The following FAM81A variants were observed in gnomAD, a reference collection of about 807,000 sequenced individuals.
FAM81A encodes family with sequence similarity 81 member A, also known as protein FAM81A.
FAM81A carries 19 observed loss-of-function variants against 46.7 expected under a neutral mutation model. The ratio of observed to expected loss-of-function variants is 0.41; its 90% CI spans 0.28 to 0.60. The LOEUF (loss-of-function observed/expected upper bound fraction) is 0.60, where lower values mean the gene tolerates loss of function less well. FAM81A is among the 20% of genes least tolerant of loss of function. The pLI is 0.34. For missense variants in FAM81A, 377 were observed against 453.5 expected, an observed-to-expected ratio of 0.83 and a Z score of 1.53; for synonymous variants, 183 against 152.9, an observed-to-expected ratio of 1.20 and a Z score of -1.45.
intron 3 of FAM81A, among the ~76,000 whole-genome samples, chr15:59,471,102 A>C (rs2081682415): frequency 6.6e-6 from 1 of 152,114 alleles, no homozygotes. Context: ...GACATGAGTC[A>C]CCACACTTGG....
chr15:59,435,111 AC>A (rs2081237476), upstream of FAM81A, among the ~76,000 whole-genome samples: 1 of 152,028 alleles, frequency 6.6e-6, no homozygotes, highest in Non-Finnish European at 1.5e-5. Flanking sequence ...ACATGACAAG[AC>A]CCCATCTCTA....
At chr15:59,488,522 T>G (rs1348895315) in intron 3 of FAM81A, among the ~76,000 whole-genome samples, 1 of 152,214 alleles carries the variant, frequency 6.6e-6, no homozygotes, top group African/African-American at 2.4e-5. Context: ...TGGAAAAGCC[T>G]AAAGACTCCA....
intron 1 of FAM81A, among the ~76,000 whole-genome samples, chr15:59,454,997 A>C (rs935016628): frequency 2.6e-5 from 4 of 151,088 alleles, no homozygotes; most frequent in Non-Finnish European, 2.9e-5. Flanking sequence ...GCTGGTCCCA[A>C]ACTCCTGGGC....
At chr15:59,472,242 G>A (rs1244620492) in intron 3 of FAM81A, among the ~76,000 whole-genome samples, 1 of 152,090 alleles carries the variant, frequency 6.6e-6, no homozygotes, top group African/African-American at 2.4e-5. Context: ...TTGGGAGGCC[G>A]AGGTGGGAGG....
intron 1 of FAM81A, among the ~76,000 whole-genome samples, chr15:59,451,289 T>C (rs1688618382): frequency 1.3e-5 from 2 of 152,168 alleles, no homozygotes; most frequent in South Asian, 4.1e-4. Context: ...CACAGCTATA[T>C]GGGAAGCTAA....
At chr15:59,431,581 G>A (rs542403685) in intron 2 of FAM81A, among the ~76,000 whole-genome samples, 17 of 151,064 alleles carry the variant, frequency 1.1e-4, no homozygotes, top group African/African-American at 4.1e-4. Flanking sequence ...GCCCAGGCTG[G>A]TCTCGAATTC....
intron 8 of FAM81A, among the ~76,000 whole-genome samples, chr15:59,518,935 G>GTGTGTC (rs1313114678): frequency 4.9e-5 from 6 of 123,254 alleles, no homozygotes; most frequent in African/African-American, 1.7e-4. Context: ...GTATTTGTGT[G>GTGTGTC]TGTGTGTCTG....
intron 3 of FAM81A, among the ~76,000 whole-genome samples, chr15:59,478,019 G>A (rs1241874211): frequency 6.6e-6 from 1 of 152,154 alleles, no homozygotes; most frequent in Non-Finnish European, 1.5e-5. Flanking sequence ...TACTGTCTTT[G>A]GTTTAAGCCG....
chr15:59,462,610 A>C (rs958867572), intron 3 of FAM81A, among the ~76,000 whole-genome samples: 14 of 152,198 alleles, frequency 9.2e-5, no homozygotes, highest in African/African-American at 2.9e-4. Flanking sequence ...GTCTATTTCC[A>C]AAAGATTTCC....
chr15:59,513,278 A>G (rs896665382), intron 6 of FAM81A, among the ~76,000 whole-genome samples: 4 of 152,158 alleles, frequency 2.6e-5, no homozygotes, highest in Admixed American at 1.3e-4. Context: ...AATTTGGGGA[A>G]CGTTAGAGAG....
At chr15:59,484,357 T>C (rs547092490) in intron 3 of FAM81A, among the ~76,000 whole-genome samples, 1 of 152,252 alleles carries the variant, frequency 6.6e-6, no homozygotes, top group East Asian at 1.9e-4. Context: ...ACACCAAATT[T>C]AACAACTGTC....
At chr15:59,462,664 C>G (rs1308544035) in intron 3 of FAM81A, among the ~76,000 whole-genome samples, 1 of 152,162 alleles carries the variant, frequency 6.6e-6, no homozygotes, top group Non-Finnish European at 1.5e-5. Context: ...AAGTAACTCC[C>G]CACTCCACTT....
chr15:59,506,860 C>T (rs531418335), intron 4 of FAM81A, among the ~76,000 whole-genome samples: 80 of 152,266 alleles, frequency 5.3e-4, no homozygotes, highest in African/African-American at 1.9e-3. Flanking sequence ...CCAAGGAGGC[C>T]CCCAACTTCG....
chr15:59,410,011 A>T (rs7164203), intron 2 of FAM81A, among the ~76,000 whole-genome samples: 8 of 151,950 alleles, frequency 5.3e-5, no homozygotes, highest in Non-Finnish European at 1.2e-4. Flanking sequence ...TATAGAAATT[A>T]CTAGTGCAGG....
At chr15:59,429,743 C>T (rs1248616996) in intron 2 of FAM81A, among the ~76,000 whole-genome samples, 1 of 152,126 alleles carries the variant, frequency 6.6e-6, no homozygotes, top group Non-Finnish European at 1.5e-5. Flanking sequence ...ATTTTATCTC[C>T]ATGTGTAAAA....
rs188006943 is a variant in FAM81A at position 59,427,300 on chromosome 15, G to A, written c.-78+24942G>A. 5.0e-3 allele frequency among the ~76,000 whole-genome samples: 763 copies of A among 152,034 alleles called. 5 individuals are homozygous for A. Among genetic ancestry groups the A allele is most frequent in the African/African-American group, 0.018 (745 of 41,474 alleles). On this transcript the variant is annotated intron_variant, in intron 2 of 4. Coordinates refer to the FAM81A transcript ENST00000558348. ...TAATTTTTGTATTTTTAGTAGAGACGGGGTTTCTCCATGTTGGCCAGGCTG... is the reference window on the plus strand; with the variant it reads ...TAATTTTTGTATTTTTAGTAGAGACAGGGTTTCTCCATGTTGGCCAGGCTG...
chr15:59,484,470 G>A (rs2081892886), intron 3 of FAM81A, among the ~76,000 whole-genome samples: 1 of 152,196 alleles, frequency 6.6e-6, no homozygotes, highest in Admixed American at 6.5e-5. Context: ...AGGGTAGGAA[G>A]GACAGTCTTG....
upstream of FAM81A, among the ~76,000 whole-genome samples, chr15:59,436,877 C>T (rs931333538): frequency 5.9e-5 from 9 of 152,298 alleles, no homozygotes; most frequent in South Asian, 1.9e-3. Context: ...TAACATGTGT[C>T]TGTGATTATT....
Position 59,421,635 on chromosome 15 carries a change from C to T in FAM81A, c.-78+19277C>T, listed in dbSNP as rs140678136. On this transcript the variant is annotated intron_variant, in intron 2 of 4. Coordinates refer to the FAM81A transcript ENST00000558348. ...TTTATTGCTGGCCTATACCTGGAGT[C>T]CTTGGTCCTTCTTGGGAAAAAGTAT... Among the ~76,000 whole-genome samples the T allele has an allele frequency of 3.3e-4, 50 of 152,216 alleles. 2 individuals carry two copies. Among genetic ancestry groups the T allele is most frequent in the African/African-American group, 1.0e-3 (42 of 41,524 alleles).
Sources: gnomAD v4.1 joint callset for allele counts (sites outside exome capture counted in the v4.1 genomes callset) on GRCh38, gnomAD v4.1.1 for gene constraint, MANE v1.5 for transcripts, NCBI Gene and HGNC (gene_info 2026-07-23, HGNC 2026-07-21) for gene names.